Variants in DAB1 observed in about 807,000 individuals in gnomAD.
DAB1 encodes the protein DAB adaptor protein 1, also known as disabled homolog 1.
Under a neutral mutation model 64.6 loss-of-function variants are expected in DAB1, and 15 were observed. The ratio of observed to expected loss-of-function variants is 0.23; its 90% CI spans 0.16 to 0.36. The LOEUF is 0.36. DAB1 is among the 10% of genes least tolerant of loss of function. The probability of loss-of-function intolerance (pLI) is 1.00; values close to 1 mark genes in which losing one functional copy is unlikely to be tolerated. For synonymous variants in DAB1, 235 were observed against 251.9 expected, an observed-to-expected ratio of 0.93 and a Z score of 0.64; for missense variants, 596 against 706.7, an observed-to-expected ratio of 0.84 and a Z score of 1.78.
chr1:57,390,221 AT>A (rs112667598), intron 1 of DAB1, among the ~76,000 whole-genome samples: 5,386 of 152,328 alleles, frequency 0.035, 291 homozygotes, highest in African/African-American at 0.11. Context: ...GATGAAAAGA[AT>A]ATGGAATTTG....
At chr1:57,338,858 C>T (rs572913481) in intron 1 of DAB1, among the ~76,000 whole-genome samples, 43 of 152,244 alleles carry the variant, frequency 2.8e-4, no homozygotes, top group African/African-American at 1.0e-3. Flanking sequence ...TGTGAGTTTA[C>T]TGAGAGGAAC....
At chr1:58,329,289 A>G (rs1256078001) in intron 4 of DAB1, among the ~76,000 whole-genome samples, 1 of 152,146 alleles carries the variant, frequency 6.6e-6, no homozygotes, top group Non-Finnish European at 1.5e-5. Context: ...ATGCATTCTG[A>G]TTTTTAACCT....
intron 4 of DAB1, among the ~76,000 whole-genome samples, chr1:58,168,322 A>C (rs1655975276): frequency 6.6e-6 from 1 of 152,102 alleles, no homozygotes; most frequent in African/African-American, 2.4e-5. Flanking sequence ...TCCCAACAAC[A>C]AGCTGGTTGA....
At chr1:58,103,267 A>G (rs1651430245) in intron 5 of DAB1, among the ~76,000 whole-genome samples, 1 of 152,230 alleles carries the variant, frequency 6.6e-6, no homozygotes. Context: ...AACTGAAAAC[A>G]CAATTTGCAA....
chr1:57,583,674 G>C lies in DAB1; in HGVS notation n.625+65918C>G, dbSNP rs374839943. Among the ~76,000 whole-genome samples the C allele has an allele frequency of 3.1e-3, 476 of 152,206 alleles. 5 individuals carry two copies. The highest frequency in any genetic ancestry group is 0.011 in the African/African-American group (457 of 41,550). The stretch of plus-strand genomic sequence containing the variant: ...AGATTCAGCTTAGCAGTGATGTTTG[G>C]GTTTCCCTGTGCATCAAACAAATCA... On this transcript the variant is annotated intron_variant and non_coding_transcript_variant, in intron 7 of 20. Transcript: ENST00000485760.
intron 1 of DAB1, among the ~76,000 whole-genome samples, chr1:58,538,180 T>C (rs1646547369): frequency 6.6e-6 from 1 of 152,202 alleles, no homozygotes; most frequent in African/African-American, 2.4e-5. Flanking sequence ...ATTAGCTTTC[T>C]TCCATCTTCA....
intron 6 of DAB1, among the ~76,000 whole-genome samples, chr1:57,777,872 A>G (rs1193619906): frequency 6.6e-6 from 1 of 152,058 alleles, no homozygotes; most frequent in Admixed American, 6.6e-5. Flanking sequence ...TTAGTTACTG[A>G]ATTCTAGATT....
At chr1:57,066,795 G>C (rs1175581138) in intron 8 of DAB1, among the ~76,000 whole-genome samples, 1 of 152,166 alleles carries the variant, frequency 6.6e-6, no homozygotes, top group Non-Finnish European at 1.5e-5. Context: ...GCTAGGAGCA[G>C]AGAATATATT....
chr1:57,538,418 C>G (rs1011527524), intron 7 of DAB1, among the ~76,000 whole-genome samples: 7 of 152,138 alleles, frequency 4.6e-5, no homozygotes, highest in Non-Finnish European at 4.4e-5. Context: ...TACCTCCCTC[C>G]CTGGCTCCAT....
Position 57,098,047 on chromosome 1 carries a change from G to A in DAB1, c.307-25633C>T, listed in dbSNP as rs933843561. Among the ~76,000 whole-genome samples the A allele has an allele frequency of 7.9e-5, 12 of 152,270 alleles. No individual in the cohort carries two copies. The East Asian group carries it at 1.9e-3, about 25-fold the overall frequency. The stretch of plus-strand genomic sequence containing the variant: ...CCGCCTCAGCCTCCCAAAGTGCTGG[G>A]ATTACAGGCATGAGCCACCGCACCC... On this transcript the variant is annotated intron_variant, in intron 4 of 14. Transcript: ENST00000371236.
At chr1:57,620,790 G>A (rs1426543839) in intron 7 of DAB1, among the ~76,000 whole-genome samples, 1 of 152,170 alleles carries the variant, frequency 6.6e-6, no homozygotes, top group African/African-American at 2.4e-5. Context: ...AGTGTCACAG[G>A]CTCTGGGTCT....
At chr1:57,492,887 A>G (rs539133587) in intron 7 of DAB1, among the ~76,000 whole-genome samples, 62 of 152,178 alleles carry the variant, frequency 4.1e-4, no homozygotes, top group Middle Eastern at 3.4e-3. Flanking sequence ...TTGCCCCTTG[A>G]CTTTGCTTGG....
At chr1:57,653,969 C>A (rs1646286436) in intron 6 of DAB1, among the ~76,000 whole-genome samples, 1 of 152,164 alleles carries the variant, frequency 6.6e-6, no homozygotes, top group Non-Finnish European at 1.5e-5. Context: ...CGTTAGTTCA[C>A]ACTGTTACCA....
At position 58,375,642 on chromosome 1, in the gene DAB1, C is replaced by A. The variant is rs1450023094; in HGVS notation, n.258-32239G>T. ...ATCAAGGATATTGGTCTAAAATTCT[C>A]TTTTTTTGGTTGTGTCTCTGCCCGG... is the stretch of plus-strand genomic sequence containing the variant. On this transcript the variant is annotated intron_variant and non_coding_transcript_variant, in intron 3 of 20. Transcript: ENST00000485760. 7.0e-5 allele frequency among the ~76,000 whole-genome samples: 10 copies of A among 142,430 alleles called. 1 individual carries two copies. The allele number at this position is 142,430 out of a possible 152,430, so 93.4% of individuals were successfully genotyped here. A position where few individuals can be genotyped will look rare whatever the true frequency, so the allele number is the denominator to read the frequency against.
intron 5 of DAB1, among the ~76,000 whole-genome samples, chr1:58,000,510 C>T (rs1243061451): frequency 9.3e-6 from 1 of 108,088 alleles, no homozygotes; most frequent in Admixed American, 8.6e-5. Flanking sequence ...CCTGCTCTAT[C>T]TCCCACTTAG....
intron 3 of DAB1, among the ~76,000 whole-genome samples, chr1:58,377,743 G>T (rs1644343237): frequency 7.2e-6 from 1 of 138,340 alleles, no homozygotes; most frequent in Non-Finnish European, 1.6e-5. Flanking sequence ...CTAGATTGGG[G>T]AAGTTCTCCT....
At chr1:58,044,071 T>C (rs866190195) in intron 5 of DAB1, among the ~76,000 whole-genome samples, 12 of 152,224 alleles carry the variant, frequency 7.9e-5, no homozygotes, top group African/African-American at 2.7e-4. Context: ...ATTACCTGTA[T>C]ATTTAATCTC....
chr1:57,190,957 C>T (rs530981885), intron 2 of DAB1, among the ~76,000 whole-genome samples: 2 of 152,264 alleles, frequency 1.3e-5, no homozygotes, highest in East Asian at 1.9e-4. Flanking sequence ...TACTTATTTG[C>T]CAGAGGTAAA....
At chr1:57,099,663 C>A (rs1654490125) in intron 4 of DAB1, among the ~76,000 whole-genome samples, 1 of 152,174 alleles carries the variant, frequency 6.6e-6, no homozygotes, top group East Asian at 1.9e-4. Context: ...CAATATAAAC[C>A]CTGATGCAAG....
Sources: gnomAD v4.1 joint callset for allele counts (sites outside exome capture counted in the v4.1 genomes callset) on GRCh38, gnomAD v4.1.1 for gene constraint, MANE v1.5 for transcripts, NCBI Gene and HGNC (gene_info 2026-07-23, HGNC 2026-07-21) for gene names.